DHODH: variants seen among roughly 807,000 people sequenced by gnomAD.
The protein encoded by DHODH is dihydroorotate dehydrogenase (quinone), also known as dihydroorotate dehydrogenase (quinone), mitochondrial.
Under a neutral mutation model 39.7 loss-of-function variants are expected in DHODH, and 30 were observed. The observed-to-expected ratio is 0.76, with a 90% confidence interval of 0.57 to 1.02. The LOEUF (loss-of-function observed/expected upper bound fraction) is 1.02. Ranked by LOEUF, DHODH falls within the 50% of genes least tolerant of loss-of-function variation. The probability of loss-of-function intolerance (pLI) is 0.00; values close to 1 mark genes in which losing one functional copy is unlikely to be tolerated. For missense variants in DHODH, 531 were observed against 520.8 expected, an observed-to-expected ratio of 1.02 and a Z score of -0.19; for synonymous variants, 222 against 213.8, an observed-to-expected ratio of 1.04 and a Z score of -0.34.
In DHODH at chr16:72,023,211, C is replaced by T; in HGVS notation, c.866C>T (p.Pro289Leu). Residue 289 changes from proline (P) to leucine (L), a missense_variant, in exon 7 of 9, where the codon CCT becomes CTT. Pro to Leu is a moderately conservative substitution (Grantham distance 98, BLOSUM62 -3). Coordinates refer to ENST00000219240, the MANE Select transcript of DHODH (RefSeq NM_001361.5). Reference sequence around the variant, plus strand: ...GTTACGAACACCACCGTGAGTCGCCCTGCGGGCCTCCAGGGTGCCCTGCGC... The same window carrying T: ...GTTACGAACACCACCGTGAGTCGCCTTGCGGGCCTCCAGGGTGCCCTGCGC... ...LIVTNTTVSR[P>L]AGLQGALRSE... 6.2e-7 allele frequency: 1 copy of T among 1,614,208 alleles called. No individual in the cohort carries two copies. The highest frequency in any genetic ancestry group is 8.5e-7 in the Non-Finnish European group (1 of 1,180,040).
chr16:72,021,437 C>A lies in DHODH; in HGVS notation c.705+126C>A, dbSNP rs56387295. The A allele has an allele frequency of 0.13, 128,122 of 997,048 alleles. 9,903 individuals carry two copies. Among genetic ancestry groups the A allele is most frequent in the South Asian group, 0.16 (11,414 of 71,344 alleles). The allele number at this position is 997,048 out of a possible 1,614,324, so 61.8% of individuals were successfully genotyped here. On this transcript the variant is annotated intron_variant, in intron 5 of 8. Transcript: ENST00000219240. ...GTCCTTAGCACCTAGACCAGTAGGA[C>A]CCCTGGCTATACCTTCCCAGAGTCC...
At chr16:72,023,372 G>A in intron 7 of DHODH, 54 bp downstream of exon 7, 1 of 1,614,010 alleles carries the variant, frequency 6.2e-7, no homozygotes, top group South Asian at 1.1e-5. Context: ...GGGCTCCTGG[G>A]TCGTGATGGG....
At position 72,021,287 on chromosome 16, in the gene DHODH, C is replaced by T. The variant is rs776932166; in HGVS notation, c.681C>T (p.Ala227=). The T allele has an allele frequency of 5.0e-6, 8 of 1,609,786 alleles. No homozygotes were observed. The Middle Eastern group carries it at 5.0e-4, about 101-fold the overall frequency. The change falls in exon 5 of 9, where the codon GCC becomes GCT. Residue 227 remains alanine, a synonymous_variant. Transcript: ENST00000219240. ...GGCTGCGGAGCCTTCAGGGAAAGGC[C>T]GAGCTGCGCCGCCTGCTGACCAAGG... ...TAGLRSLQGK[A]ELRRLLTKVL... is the part of the protein sequence containing the mutation.
At position 72,021,322 on chromosome 16, in the gene DHODH, G is replaced by A. The variant is rs1217161167; in HGVS notation, c.705+11G>A. The stretch of plus-strand genomic sequence containing the variant: ...CGCCTGCTGACCAAGGTGGGCAGCT[G>A]CACCCCTCTCCAGGCCCTGTCCCAC... On this transcript the variant is annotated intron_variant, in intron 5 of 8. Transcript: ENST00000219240. 1.9e-6 allele frequency: 3 copies of A among 1,594,196 alleles called. No individual in the cohort carries two copies. The East Asian group carries it at 6.8e-5, about 36-fold the overall frequency.
chr16:72,022,334 C>A, intron 5 of DHODH, 28 bp from the exon 6 acceptor site: 1 of 1,532,558 alleles, frequency 6.5e-7, no homozygotes, highest in Non-Finnish European at 8.8e-7. Flanking sequence ...TCTGCGGGGT[C>A]CCCAGCTCTG....
rs1388422739 is a variant in DHODH, at chr16:72,026,957, ATTTGTGTGTGTGTGTG to A, written c.*2760_*2775del. On this transcript the variant is annotated 3_prime_UTR_variant, in exon 9 of 9. Coordinates refer to ENST00000219240, the MANE Select transcript of DHODH (RefSeq NM_001361.5). The stretch of plus-strand genomic sequence containing the variant: ...AGGTGCCCACTACCACACCCAGCTA[ATTTGTGTGTGTGTGTG>A]TGTGTGTGTGTGTGTGTGTGTGTGT... 2.0e-4 allele frequency: 21 copies of A among 106,626 alleles called. No individual in the cohort carries two copies. The highest frequency in any genetic ancestry group is 6.3e-4 in the African/African-American group (17 of 26,798). The allele number at this position is 106,626 out of a possible 1,614,324, so 6.6% of individuals were successfully genotyped here.
chr16:72,018,514 G>A (rs1035240816), intron 4 of DHODH, among the ~76,000 whole-genome samples: 5 of 152,180 alleles, frequency 3.3e-5, no homozygotes, highest in African/African-American at 1.2e-4. Flanking sequence ...ATGCTTGCCC[G>A]CCTTCGTGCT....
At chr16:72,022,120 A>G (rs893132318) in intron 5 of DHODH, among the ~76,000 whole-genome samples, 32 of 152,012 alleles carry the variant, frequency 2.1e-4, no homozygotes, top group Admixed American at 3.9e-4. Context: ...AAAGAAAAGA[A>G]AAGTCTAAAA....
rs2041259905 is a variant in DHODH at position 72,024,594 on chromosome 16, G to T, written c.*395G>T. ...GCCTCTGCTATCTGCATCTGCAGTG[G>T]GCTTCCCAGGAACTTGACTGTCTTT... On this transcript the variant is annotated 3_prime_UTR_variant, in exon 9 of 9. Transcript: ENST00000219240. 4.7e-6 allele frequency: 1 copy of T among 211,128 alleles called. No individual in the cohort carries two copies. The highest frequency in any genetic ancestry group is 5.2e-5 in the Admixed American group (1 of 19,124). 13.1% of individuals were successfully genotyped at this position (211,128 alleles called of 1,614,324 possible). A position where few individuals can be genotyped will look rare whatever the true frequency, so the allele number is the denominator to read the frequency against.
chr16:72,017,769 G>GTTTTTTTTTTTTTTTT (rs1567571747), intron 4 of DHODH, among the ~76,000 whole-genome samples: 9 of 71,934 alleles, frequency 1.3e-4, no homozygotes, highest in African/African-American at 4.3e-4. Context: ...AAAACAACAT[G>GTTTTTTTTTTTTTTTT]CTTTTTTTTT....
intron 4 of DHODH, 112 bp from the exon 5 acceptor site, chr16:72,021,012 T>A: frequency 8.7e-7 from 1 of 1,144,850 alleles, no homozygotes. Flanking sequence ...GCAGGTCAGG[T>A]TTGGAGGGAA....
chr16:72,022,679 C>T lies in DHODH; in HGVS notation c.819+204C>T, dbSNP rs1209360727. Among the ~76,000 whole-genome samples, 3 of 152,234 alleles carry T rather than the reference C, an allele frequency of 2.0e-5. No individual in the cohort carries two copies. The East Asian group carries it at 5.8e-4, about 29-fold the overall frequency. On this transcript the variant is annotated intron_variant, in intron 6 of 8. Coordinates refer to ENST00000219240, the MANE Select transcript of DHODH (RefSeq NM_001361.5). The stretch of plus-strand genomic sequence containing the variant: ...GCTTGAAGGAGTTTTTCTAATGCCT[C>T]TTCCTCTCTTTTGTCAACTGCATCC...
chr16:72,020,677 C>T (rs1032632713), intron 4 of DHODH, among the ~76,000 whole-genome samples: 3 of 151,948 alleles, frequency 2.0e-5, no homozygotes, highest in Non-Finnish European at 2.9e-5. Context: ...TATACATGTT[C>T]TTTCATTTTG....
rs2041151626 is a variant in DHODH, at chr16:72,017,181, T to C, written c.517+75T>C. On this transcript the variant is annotated intron_variant, in intron 4 of 8. Transcript: ENST00000219240. The stretch of plus-strand genomic sequence containing the variant: ...GTGGGAGAAATGCTGGGAACATTTC[T>C]AGTGAAATAAACATGATTGAGCAAT... 6 of 1,480,488 alleles carry C rather than the reference T, an allele frequency of 4.1e-6. 1 individual carries two copies. The South Asian group carries it at 6.8e-5, about 17-fold the overall frequency. 91.7% of individuals were successfully genotyped at this position (1,480,488 alleles called of 1,614,324 possible).
At chr16:72,018,992 C>A (rs10048144) in intron 4 of DHODH, among the ~76,000 whole-genome samples, 1 of 152,026 alleles carries the variant, frequency 6.6e-6, no homozygotes, top group Admixed American at 6.5e-5. Flanking sequence ...ACAGAGTCTC[C>A]CGCTATTGCC....
intron 8 of DHODH, 44 bp downstream of exon 8, chr16:72,023,677 G>T (rs1222170839): frequency 6.2e-7 from 1 of 1,609,530 alleles, no homozygotes. Context: ...TTAGGCAGAG[G>T]TTCATTTAGA....
rs1368221534 is a variant in DHODH, at chr16:72,025,487, C to T, written c.*1288C>T. The T allele has an allele frequency of 1.3e-5, 2 of 152,236 alleles. No individual in the cohort carries two copies. The highest frequency in any genetic ancestry group is 2.4e-5 in the African/African-American group (1 of 41,456). The allele number at this position is 152,236 out of a possible 1,614,324, so 9.4% of individuals were successfully genotyped here. ...GTCTTTTGAGTGGGGTCTGTTTACCCAGTCCCCTGTTGGTGATCACATCGC... is the reference window on the plus strand; with the variant it reads ...GTCTTTTGAGTGGGGTCTGTTTACCTAGTCCCCTGTTGGTGATCACATCGC... On this transcript the variant is annotated 3_prime_UTR_variant, in exon 9 of 9. Coordinates refer to ENST00000219240, the MANE Select transcript of DHODH (RefSeq NM_001361.5).
intron 1 of DHODH, among the ~76,000 whole-genome samples, chr16:72,011,622 C>T (rs940647916): frequency 2.0e-5 from 3 of 152,134 alleles, no homozygotes; most frequent in African/African-American, 7.2e-5. Flanking sequence ...ATAATATGAA[C>T]GGATAATTTT....
chr16:72,008,868 G>A, intron 1 of DHODH, 83 bp downstream of exon 1: 1 of 1,550,628 alleles, frequency 6.4e-7, no homozygotes, highest in Non-Finnish European at 8.7e-7. Context: ...GGCGAGGCAT[G>A]GACCGAAGGC....
Sources: gnomAD v4.1 joint callset for allele counts (sites outside exome capture counted in the v4.1 genomes callset) on GRCh38, gnomAD v4.1.1 for gene constraint, MANE v1.5 for transcripts, NCBI Gene and HGNC (gene_info 2026-07-23, HGNC 2026-07-21) for gene names.